The following ATP9A variants were observed in gnomAD, a reference collection of about 807,000 sequenced individuals.
ATP9A encodes ATPase phospholipid transporting 9A.
In ATP9A, 52 loss-of-function variants were observed where a neutral mutation model predicts 144.1. The ratio of observed to expected loss-of-function variants is 0.36; its 90% CI spans 0.29 to 0.45. The LOEUF (loss-of-function observed/expected upper bound fraction) is 0.45, where lower values mean the gene tolerates loss of function less well. ATP9A is among the 20% of genes least tolerant of loss of function. The pLI is 1.00. For missense variants in ATP9A, 947 were observed against 1,392.7 expected (o/e 0.68, Z 5.09); for synonymous variants, 582 against 557.4 (o/e 1.04, Z -0.62).
intron 3 of ATP9A, among the ~76,000 whole-genome samples, 153 bp from the exon 4 acceptor site, chr20:51,713,227 T>C (rs1258367960): frequency 3.3e-5 from 5 of 152,116 alleles, no homozygotes; most frequent in African/African-American, 9.7e-5. Flanking sequence ...CACACGCCGC[T>C]GCAAGCCCCC....
intron 26 of ATP9A, 51 bp from the exon 27 acceptor site, chr20:51,605,071 G>A (rs753555931): frequency 4.8e-6 from 7 of 1,467,254 alleles, no homozygotes; most frequent in Middle Eastern, 5.0e-4. Context: ...CGAAAGCCGT[G>A]CGCTGCTCGC....
At chr20:51,678,708 G>T (rs2077487640) in intron 9 of ATP9A, among the ~76,000 whole-genome samples, 1 of 152,352 alleles carries the variant, frequency 6.6e-6, no homozygotes, top group South Asian at 2.1e-4. Context: ...CTATGCAGAT[G>T]CAGCTCAGCC....
At position 51,596,705 on chromosome 20, in the gene ATP9A, G is replaced by A. The variant is rs984728353; in HGVS notation, c.*4506C>T. On this transcript the variant is annotated 3_prime_UTR_variant, in exon 28 of 28. Coordinates refer to ENST00000338821, the MANE Select transcript of ATP9A (RefSeq NM_006045.3). ...CATGAAATAAAGAAAAAATAGGAGC[G>A]TTATAATAAAAAGTCCTCATTTTGA... The A allele has an allele frequency of 1.3e-5, 2 of 151,958 alleles. No individual in the cohort carries two copies. Among genetic ancestry groups the A allele is most frequent in the African/African-American group, 2.4e-5 (1 of 41,344 alleles). The allele number at this position is 151,958 out of a possible 1,614,324, so 9.4% of individuals were successfully genotyped here.
chr20:51,656,929 C>T lies in ATP9A; in HGVS notation c.1506+9G>A, dbSNP rs2077389128. 6.2e-7 allele frequency: 1 copy of T among 1,612,272 alleles called. No individual in the cohort carries two copies. The highest frequency in any genetic ancestry group is 8.5e-7 in the Non-Finnish European group (1 of 1,179,288). On this transcript the variant is annotated intron_variant, in intron 14 of 27. Coordinates refer to ENST00000338821, the MANE Select transcript of ATP9A (RefSeq NM_006045.3). ...CTCCCCATGCCTTGCTGCACCTGCC[C>T]AGGTTTACCTCATCGGGGCTGGATG...
intron 9 of ATP9A, among the ~76,000 whole-genome samples, chr20:51,687,532 A>C (rs1023290370): frequency 2.0e-5 from 3 of 152,170 alleles, no homozygotes; most frequent in African/African-American, 7.2e-5. Flanking sequence ...TTTTGGCTGA[A>C]GCAGAAGGAT....
At chr20:51,691,543 GA>G (rs1318776324) in intron 7 of ATP9A, among the ~76,000 whole-genome samples, 1 of 152,052 alleles carries the variant, frequency 6.6e-6, no homozygotes, top group African/African-American at 2.4e-5. Flanking sequence ...GGGAAGAGCT[GA>G]AAAAAGTAAG....
intron 13 of ATP9A, among the ~76,000 whole-genome samples, chr20:51,661,253 G>T (rs753465176): frequency 1.3e-5 from 2 of 152,130 alleles, no homozygotes. Context: ...AAAATTAAAC[G>T]TTGAGTCACC....
intron 3 of ATP9A, among the ~76,000 whole-genome samples, chr20:51,717,399 C>A (rs773555737): frequency 3.9e-5 from 6 of 152,086 alleles, no homozygotes; most frequent in South Asian, 2.1e-4. Flanking sequence ...TAATTTTTCA[C>A]CACAAACCCT....
chr20:51,677,912 T>C (rs1320575918), intron 9 of ATP9A, among the ~76,000 whole-genome samples: 1 of 152,182 alleles, frequency 6.6e-6, no homozygotes, highest in Non-Finnish European at 1.5e-5. Context: ...TACACACTGC[T>C]GGCTGACGTG....
chr20:51,649,395 A>C (rs2077354547), intron 14 of ATP9A, among the ~76,000 whole-genome samples: 1 of 152,088 alleles, frequency 6.6e-6, no homozygotes, highest in Non-Finnish European at 1.5e-5. Context: ...GCCAACTTAC[A>C]CTTCATCTAC....
chr20:51,710,332 G>A (rs976041146), intron 4 of ATP9A, among the ~76,000 whole-genome samples: 3 of 152,078 alleles, frequency 2.0e-5, no homozygotes, highest in Non-Finnish European at 4.4e-5. Context: ...TCATGTGATA[G>A]AAAGAAAACA....
chr20:51,618,413 T>G (rs896209155), intron 21 of ATP9A, among the ~76,000 whole-genome samples: 1 of 152,024 alleles, frequency 6.6e-6, no homozygotes, highest in African/African-American at 2.4e-5. Context: ...CTCCACCCCC[T>G]GGAAGGCTGC....
chr20:51,707,892 G>A (rs545140793), intron 4 of ATP9A, among the ~76,000 whole-genome samples: 1 of 152,040 alleles, frequency 6.6e-6, no homozygotes, highest in South Asian at 2.1e-4. Flanking sequence ...TAGAGATGGA[G>A]TCTGGCTCTG....
chr20:51,742,420 T>C (rs2077789003), intron 1 of ATP9A, among the ~76,000 whole-genome samples: 1 of 151,528 alleles, frequency 6.6e-6, no homozygotes, highest in African/African-American at 2.4e-5. Flanking sequence ...ACCAGCACAA[T>C]GAAAAGCAAA....
chr20:51,706,869 A>G (rs2077616719), intron 4 of ATP9A, among the ~76,000 whole-genome samples: 1 of 152,174 alleles, frequency 6.6e-6, no homozygotes, highest in African/African-American at 2.4e-5. Context: ...AGTTTTTCAA[A>G]CAGCTCAGTG....
chr20:51,715,741 G>A (rs2077659288), intron 3 of ATP9A, among the ~76,000 whole-genome samples: 1 of 152,152 alleles, frequency 6.6e-6, no homozygotes. Flanking sequence ...GCCTTACAAA[G>A]AGATGCAAAT....
intron 4 of ATP9A, among the ~76,000 whole-genome samples, chr20:51,712,658 G>A (rs921482638): frequency 7.9e-5 from 12 of 152,160 alleles, no homozygotes; most frequent in Admixed American, 4.6e-4. Context: ...TCAGCCAGGC[G>A]GCAGAACGGG....
chr20:51,688,586 T>C (rs2077533727), intron 9 of ATP9A, among the ~76,000 whole-genome samples: 1 of 150,422 alleles, frequency 6.6e-6, no homozygotes, highest in African/African-American at 2.4e-5. Flanking sequence ...TGTAAGACCT[T>C]GTCTCAAAAA....
chr20:51,760,006 T>C (rs2077872284), intron 1 of ATP9A, among the ~76,000 whole-genome samples: 1 of 152,144 alleles, frequency 6.6e-6, no homozygotes, highest in African/African-American at 2.4e-5. Context: ...GGCTTCTCAT[T>C]GCAGCTCTCA....
Sources: gnomAD v4.1 joint callset for allele counts (sites outside exome capture counted in the v4.1 genomes callset) on GRCh38, gnomAD v4.1.1 for gene constraint, MANE v1.5 for transcripts, NCBI Gene and HGNC (gene_info 2026-07-23, HGNC 2026-07-21) for gene names.